Variants in GALNT14 observed in about 807,000 individuals in gnomAD.
The protein encoded by GALNT14 is UDP-GalNAc:polypeptide N-acetylgalactosaminyltransferase 14.
Under a neutral mutation model 77.5 loss-of-function variants are expected in GALNT14, and 60 were observed. The ratio of observed to expected loss-of-function variants is 0.77; its 90% CI spans 0.63 to 0.96. GALNT14 has a LOEUF of 0.96. GALNT14 is among the 40% of genes least tolerant of loss of function. The pLI, the probability that GALNT14 is intolerant of heterozygous loss-of-function variation, is 0.00. For missense variants in GALNT14, 710 were observed against 731.0 expected, an observed-to-expected ratio of 0.97 and a Z score of 0.33; for synonymous variants, 280 against 281.7, an observed-to-expected ratio of 0.99 and a Z score of 0.06.
At chr2:31,041,588 C>A (rs896396289) in intron 1 of GALNT14, among the ~76,000 whole-genome samples, 1 of 152,054 alleles carries the variant, frequency 6.6e-6, no homozygotes, top group South Asian at 2.1e-4. Flanking sequence ...CAGAGAGGTA[C>A]ATGCATTGGT....
chr2:31,081,538 A>G (rs967182954), intron 1 of GALNT14, among the ~76,000 whole-genome samples: 2 of 152,252 alleles, frequency 1.3e-5, no homozygotes, highest in Non-Finnish European at 2.9e-5. Context: ...GCAAAAACAC[A>G]TTTTTACACT....
intron 1 of GALNT14, among the ~76,000 whole-genome samples, chr2:31,109,915 A>G (rs1055451573): frequency 2.6e-5 from 4 of 152,084 alleles, no homozygotes; most frequent in African/African-American, 7.2e-5. Flanking sequence ...ATCTGTCTCA[A>G]TTTTCTCAGC....
At chr2:30,925,487 T>G (rs1017217756) in intron 11 of GALNT14, among the ~76,000 whole-genome samples, 2 of 152,048 alleles carry the variant, frequency 1.3e-5, no homozygotes, top group African/African-American at 4.8e-5. Context: ...GTAGTAATGG[T>G]GATGCTGGTA....
intron 2 of GALNT14, among the ~76,000 whole-genome samples, chr2:30,977,014 G>A (rs1028706431): frequency 2.0e-5 from 3 of 151,824 alleles, no homozygotes; most frequent in Admixed American, 6.6e-5. Context: ...GTGCCCTCAC[G>A]AGCTCCACGA....
At chr2:30,962,894 A>C (rs1271419115) in intron 3 of GALNT14, among the ~76,000 whole-genome samples, 1 of 152,202 alleles carries the variant, frequency 6.6e-6, no homozygotes, top group East Asian at 1.9e-4. Context: ...CTAGTGATTC[A>C]TTTGTGCAAC....
intron 3 of GALNT14, among the ~76,000 whole-genome samples, chr2:30,961,856 G>GT (rs58789282): frequency 1.4e-5 from 2 of 147,794 alleles, no homozygotes; most frequent in African/African-American, 2.5e-5. Context: ...TAATTTTTTG[G>GT]TTTTTTTGTT....
intron 1 of GALNT14, among the ~76,000 whole-genome samples, chr2:31,097,425 T>A (rs1441925038): frequency 1.3e-4 from 19 of 151,704 alleles, no homozygotes; most frequent in African/African-American, 4.6e-4. Flanking sequence ...TTTCCACAAG[T>A]ATTTATTGAG....
At chr2:31,072,359 T>G (rs1573299844) in intron 1 of GALNT14, among the ~76,000 whole-genome samples, 1 of 151,008 alleles carries the variant, frequency 6.6e-6, no homozygotes, top group African/African-American at 2.4e-5. Flanking sequence ...GTCAAAATTT[T>G]TGTCTCTCTT....
rs373139587 is a variant in GALNT14, at chr2:30,956,008, C to T, written c.467-31G>A. 1.9e-5 allele frequency: 30 copies of T among 1,610,962 alleles called. No individual in the cohort carries two copies. The African/African-American group carries it at 2.0e-4, about 11-fold the overall frequency. On this transcript the variant is annotated intron_variant, in intron 4 of 14. Coordinates refer to ENST00000349752, the MANE Select transcript of GALNT14 (RefSeq NM_024572.4). Reference sequence around the variant, plus strand: ...AAGACAAAAGGTTAAGCCAATTGAGCGCCCAGGGATGGACCTACGTGTTAC... The same window carrying T: ...AAGACAAAAGGTTAAGCCAATTGAGTGCCCAGGGATGGACCTACGTGTTAC...
chr2:30,914,807 G>A (rs1664579121), intron 13 of GALNT14, among the ~76,000 whole-genome samples: 1 of 152,176 alleles, frequency 6.6e-6, no homozygotes, highest in Non-Finnish European at 1.5e-5. Context: ...AATTAGGCTG[G>A]GGCCATTTGG....
downstream of GALNT14, among the ~76,000 whole-genome samples, chr2:30,908,546 AG>A (rs1249003037): frequency 6.8e-6 from 1 of 147,072 alleles, no homozygotes; most frequent in East Asian, 2.0e-4. Context: ...CCACTGCTCA[AG>A]GAAATAAAAG....
At chr2:31,100,924 T>C (rs1677242718) in intron 1 of GALNT14, among the ~76,000 whole-genome samples, 4 of 152,094 alleles carry the variant, frequency 2.6e-5, no homozygotes, top group Admixed American at 2.6e-4. Flanking sequence ...TATTTTATAA[T>C]GGAGTGTTAA....
At chr2:30,999,666 T>C (rs1171221870) in intron 1 of GALNT14, among the ~76,000 whole-genome samples, 1 of 152,226 alleles carries the variant, frequency 6.6e-6, no homozygotes, top group Non-Finnish European at 1.5e-5. Flanking sequence ...TGGACAGATG[T>C]TGTTCTGTGA....
chr2:30,986,095 C>T (rs937831442), intron 2 of GALNT14, among the ~76,000 whole-genome samples: 4 of 152,182 alleles, frequency 2.6e-5, no homozygotes, highest in Non-Finnish European at 5.9e-5. Context: ...GGAAAAATGT[C>T]TTCCTGGTGG....
At chr2:31,129,040 C>G (rs1245896362) in intron 1 of GALNT14, among the ~76,000 whole-genome samples, 1 of 151,564 alleles carries the variant, frequency 6.6e-6, no homozygotes, top group Non-Finnish European at 1.5e-5. Flanking sequence ...AGCAAGTGCA[C>G]TAGCTTTTTG....
At chr2:31,055,639 G>C (rs1216902309) in intron 1 of GALNT14, among the ~76,000 whole-genome samples, 2 of 152,202 alleles carry the variant, frequency 1.3e-5, no homozygotes, top group African/African-American at 4.8e-5. Flanking sequence ...GCTTTGAGCA[G>C]GCTCACTGAA....
At chr2:31,085,168 G>T (rs1443937899) in intron 1 of GALNT14, among the ~76,000 whole-genome samples, 1 of 152,182 alleles carries the variant, frequency 6.6e-6, no homozygotes, top group Non-Finnish European at 1.5e-5. Context: ...TCCCCCATTA[G>T]TGGCATTTAA....
chr2:31,108,401 A>G (rs1222612015), intron 1 of GALNT14, among the ~76,000 whole-genome samples: 2 of 152,240 alleles, frequency 1.3e-5, no homozygotes, highest in Admixed American at 1.3e-4. Flanking sequence ...GGGAGGCTGG[A>G]CACGTCACCC....
intron 1 of GALNT14, among the ~76,000 whole-genome samples, chr2:31,082,861 T>C (rs976997690): frequency 3.3e-5 from 5 of 152,024 alleles, no homozygotes; most frequent in Non-Finnish European, 5.9e-5. Context: ...CTACTAAATA[T>C]ACAAAAATTA....
Sources: allele counts gnomAD v4.1 joint callset (sites outside exome capture counted in the v4.1 genomes callset), GRCh38; gene constraint gnomAD v4.1.1; transcripts MANE v1.5; gene names NCBI Gene and HGNC (gene_info 2026-07-23, HGNC 2026-07-21).